The following NECTIN3 variants were observed in gnomAD, a reference collection of about 807,000 sequenced individuals.
NECTIN3 encodes the protein nectin cell adhesion molecule 3.
A neutral mutation model predicts 49.4 loss-of-function variants in NECTIN3; 8 were observed. The observed-to-expected ratio is 0.16, with a 90% CI of 0.10 to 0.29. NECTIN3 has a LOEUF of 0.29. Among genes scored for constraint, NECTIN3 ranks in the 10% least tolerant of loss-of-function variants. The pLI is 1.00. For synonymous variants in NECTIN3, 277 were observed against 241.1 expected, an observed-to-expected ratio of 1.15 and a Z score of -1.38; for missense variants, 581 against 654.6, an observed-to-expected ratio of 0.89 and a Z score of 1.23.
intron 4 of NECTIN3, among the ~76,000 whole-genome samples, chr3:111,124,395 G>A (rs2034077226): frequency 6.6e-6 from 1 of 152,136 alleles, no homozygotes; most frequent in Admixed American, 6.5e-5. Flanking sequence ...GGTTTAATGT[G>A]ATATTTAGAT....
Position 111,134,144 on chromosome 3 carries a change from G to A in NECTIN3, c.1579G>A (p.Asp527Asn). ...GAAGTTTGTCAGTGATGAACATTAT[G>A]ATGAAAACGAAGATGACTTAGTTTC... ...GMKFVSDEHYDENEDDLVSHV... is the reference protein window; with the variant it reads ...GMKFVSDEHYNENEDDLVSHV... Residue 527 changes from aspartate to asparagine, a missense_variant, in exon 6 of 6, where the codon GAT becomes AAT. Physicochemically the swap from Asp to Asn is conservative, Grantham distance 23. This residue lies in a region of NECTIN3 where 238 missense variants were observed against 244.9 expected (regional missense o/e 0.97). Transcript: ENST00000485303. The A allele has an allele frequency of 3.1e-6, 5 of 1,612,684 alleles. No homozygotes were observed. Among genetic ancestry groups the A allele is most frequent in the Non-Finnish European group, 4.2e-6 (5 of 1,179,314 alleles).
At chr3:111,175,368 C>G (rs2035508310) in intron 7 of NECTIN3, among the ~76,000 whole-genome samples, 1 of 151,578 alleles carries the variant, frequency 6.6e-6, no homozygotes, top group African/African-American at 2.4e-5. Context: ...TGCCAGGCAA[C>G]CACCCTCTTC....
At chr3:111,192,338 T>C (rs2035827043), upstream of NECTIN3, 1 of 1,534,942 alleles carries the variant, frequency 6.5e-7, no homozygotes, top group South Asian at 1.2e-5. Flanking sequence ...CATCTTTTTG[T>C]GTTTTCTTCC....
chr3:111,097,189 AAAG>A (rs1252338546), intron 1 of NECTIN3, among the ~76,000 whole-genome samples: 1 of 152,226 alleles, frequency 6.6e-6, no homozygotes, highest in Non-Finnish European at 1.5e-5. Context: ...AAAGGAGATC[AAAG>A]GAGATCATTT....
chr3:111,105,118 T>C (rs1248741532), intron 1 of NECTIN3, among the ~76,000 whole-genome samples: 1 of 149,858 alleles, frequency 6.7e-6, no homozygotes, highest in Non-Finnish European at 1.5e-5. Context: ...TTCTTTTTTG[T>C]TTTCTTTTCT....
intron 5 of NECTIN3, among the ~76,000 whole-genome samples, chr3:111,142,909 A>G (rs1399252758): frequency 6.6e-6 from 1 of 151,904 alleles, no homozygotes; most frequent in Non-Finnish European, 1.5e-5. Context: ...AAAATTTCCA[A>G]GAGAGGAAGA....
At chr3:111,181,181 G>A (rs1390005686) in intron 7 of NECTIN3, among the ~76,000 whole-genome samples, 1 of 152,068 alleles carries the variant, frequency 6.6e-6, no homozygotes, top group African/African-American at 2.4e-5. Context: ...CAATATATTA[G>A]TTATGCCATT....
chr3:111,077,347 A>AAAAAAAAAAAAAT lies in NECTIN3; in HGVS notation c.160+5182_160+5183insTAAAAAAAAAAAA, dbSNP rs1337718665. 2 of 258,736 alleles carry AAAAAAAAAAAAAT rather than the reference A, an allele frequency of 7.7e-6. 1 individual carries two copies. The highest frequency in any genetic ancestry group is 1.5e-5 in the Non-Finnish European group (2 of 131,090). The allele number at this position is 258,736 out of a possible 1,614,324, so 16.0% of individuals were successfully genotyped here. ...ACTTTGGTTTCAACTTTAATGGTAA[A>AAAAAAAAAAAAAT]AAAAAAAAAAAAAAAAGATCAAACT... On this transcript the variant is annotated intron_variant, in intron 1 of 5. Transcript: ENST00000485303.
At chr3:111,154,199 A>G (rs1196027639) in intron 7 of NECTIN3, among the ~76,000 whole-genome samples, 1 of 152,066 alleles carries the variant, frequency 6.6e-6, no homozygotes, top group Non-Finnish European at 1.5e-5. Flanking sequence ...TATCCTTGGG[A>G]AACTAACCAC....
chr3:111,192,168 G>A (rs2035824104), upstream of NECTIN3, among the ~76,000 whole-genome samples: 1 of 152,184 alleles, frequency 6.6e-6, no homozygotes, highest in African/African-American at 2.4e-5. Flanking sequence ...AGAGCCAGGA[G>A]AGAGTGAGTG....
intron 1 of NECTIN3, among the ~76,000 whole-genome samples, chr3:111,110,040 A>G (rs2033387425): frequency 6.6e-6 from 1 of 152,066 alleles, no homozygotes; most frequent in African/African-American, 2.4e-5. Flanking sequence ...CATACTGATT[A>G]TATAGTTCAT....
chr3:111,193,096 C>T (rs992734243), intron 1 of NECTIN3: 53 of 1,002,944 alleles, frequency 5.3e-5, no homozygotes, highest in Non-Finnish European at 7.0e-5. Flanking sequence ...CATAATGAAT[C>T]AGGGACACTA....
intron 7 of NECTIN3, among the ~76,000 whole-genome samples, chr3:111,175,339 G>A (rs2035507642): frequency 6.6e-6 from 1 of 151,690 alleles, no homozygotes; most frequent in African/African-American, 2.4e-5. Context: ...CTGGTCTCCA[G>A]GCTTGAGGGT....
chr3:111,140,368 T>C (rs1222012820), downstream of NECTIN3, among the ~76,000 whole-genome samples: 3 of 151,850 alleles, frequency 2.0e-5, no homozygotes, highest in Admixed American at 1.3e-4. Flanking sequence ...TTTTTTTTTT[T>C]GGTTGACTTG....
At chr3:111,174,756 A>G (rs1274275468) in intron 7 of NECTIN3, among the ~76,000 whole-genome samples, 1 of 151,786 alleles carries the variant, frequency 6.6e-6, no homozygotes, top group Non-Finnish European at 1.5e-5. Flanking sequence ...GCATGCAGAC[A>G]GACAGGTGCA....
At position 111,134,087 on chromosome 3, in the gene NECTIN3, A is replaced by G. The variant is rs760297187; in HGVS notation, c.1522A>G (p.Met508Val). ...VENLNRFERP[M>V]DYYEDLKMGM... is the part of the protein sequence containing the mutation. The stretch of plus-strand genomic sequence containing the variant: ...AAATCTCAATAGGTTTGAAAGACCA[A>G]TGGATTATTATGAAGATCTAAAAAT... Residue 508 changes from methionine (M) to valine (V), a missense_variant, in exon 6 of 6, where the codon ATG (methionine) becomes GTG (valine). This residue lies in a region of NECTIN3 where 238 missense variants were observed against 244.9 expected (regional missense o/e 0.97). Transcript: ENST00000485303. 2.5e-4 allele frequency: 402 copies of G among 1,613,698 alleles called. No individual in the cohort carries two copies. Among genetic ancestry groups the G allele is most frequent in the Non-Finnish European group, 3.1e-4 (368 of 1,179,724 alleles).
chr3:111,185,954 T>TAGG (rs754520405), intron 7 of NECTIN3, among the ~76,000 whole-genome samples: 6 of 152,142 alleles, frequency 3.9e-5, no homozygotes, highest in Non-Finnish European at 8.8e-5. Flanking sequence ...TTGACAGGCA[T>TAGG]AGGAGAGCAG....
chr3:111,112,309 T>C lies in NECTIN3; in HGVS notation c.440T>C (p.Ile147Thr). The change falls in exon 2 of 6, where the codon ATC becomes ACC. Residue 147 changes from isoleucine (I) to threonine (T), a missense_variant. Physicochemically the swap from Ile to Thr is moderately conservative, Grantham distance 89. This residue lies in a region of NECTIN3 where 234 missense variants were observed against 340.6 expected (regional missense o/e 0.69). Transcript: ENST00000485303. ...GGATTCTCTGATTCTGGAAAATACA[T>C]CTGCAAAGCTGTTACATTCCCGCTT... ...NIGFSDSGKY[I>T]CKAVTFPLGN... The C allele has an allele frequency of 4.3e-6, 7 of 1,613,732 alleles. No individual in the cohort carries two copies. Among genetic ancestry groups the C allele is most frequent in the Non-Finnish European group, 5.9e-6 (7 of 1,179,766 alleles).
At chr3:111,111,986 T>A in intron 1 of NECTIN3, 44 bp from the exon 2 acceptor site, 1 of 1,426,614 alleles carries the variant, frequency 7.0e-7, no homozygotes, top group Middle Eastern at 1.8e-4. Flanking sequence ...TGTTGACCAC[T>A]TTTTTCTATT....
Sources: allele counts gnomAD v4.1 joint callset (sites outside exome capture counted in the v4.1 genomes callset), GRCh38; gene constraint gnomAD v4.1.1; regional missense constraint gnomAD v4.1.1; transcripts MANE v1.5; gene names NCBI Gene and HGNC (gene_info 2026-07-23, HGNC 2026-07-21).